Variants in EVA1C observed in about 807,000 individuals in gnomAD.
EVA1C encodes protein eva-1 homolog C.
Under a neutral mutation model 45.4 loss-of-function variants are expected in EVA1C, and 25 were observed. The ratio of observed to expected loss-of-function variants is 0.55; its 90% CI spans 0.40 to 0.77. The LOEUF is 0.77. EVA1C is among the 30% of genes least tolerant of loss of function. The probability of loss-of-function intolerance (pLI) is 0.00; values close to 1 mark genes in which losing one functional copy is unlikely to be tolerated. For missense variants in EVA1C, 479 were observed against 554.8 expected, an observed-to-expected ratio of 0.86 and a Z score of 1.37; for synonymous variants, 190 against 221.2, an observed-to-expected ratio of 0.86 and a Z score of 1.25.
intron 6 of EVA1C, among the ~76,000 whole-genome samples, chr21:32,502,006 TTC>T (rs1242824361): frequency 8.3e-6 from 1 of 120,426 alleles, no homozygotes; most frequent in East Asian, 2.4e-4. Context: ...CTTTCTTTCT[TTC>T]TTTCTTTCTT....
chr21:32,482,415 A>G (rs1355033072), intron 4 of EVA1C, among the ~76,000 whole-genome samples: 2 of 152,200 alleles, frequency 1.3e-5, no homozygotes, highest in Non-Finnish European at 2.9e-5. Context: ...CTGGGCAAAC[A>G]GTAGTGAGCT....
At chr21:32,438,612 C>T (rs1172727079) in intron 1 of EVA1C, among the ~76,000 whole-genome samples, 1 of 152,044 alleles carries the variant, frequency 6.6e-6, no homozygotes, top group Non-Finnish European at 1.5e-5. Context: ...TAGTAGCAGC[C>T]ATTCAACCTC....
chr21:32,472,126 G>A (rs2036396398), intron 4 of EVA1C, among the ~76,000 whole-genome samples: 1 of 152,002 alleles, frequency 6.6e-6, no homozygotes, highest in Non-Finnish European at 1.5e-5. Context: ...TCCTAGGAAT[G>A]GTAGATGAAA....
At chr21:32,441,241 T>C (rs2146205059) in intron 1 of EVA1C, among the ~76,000 whole-genome samples, 1 of 152,298 alleles carries the variant, frequency 6.6e-6, no homozygotes, top group African/African-American at 2.4e-5. Context: ...AACAGGTTTC[T>C]ACGTAGCAAG....
Position 32,458,906 on chromosome 21 carries a change from G to A in EVA1C, c.481+1186G>A, listed in dbSNP as rs541774777. On this transcript the variant is annotated intron_variant, in intron 3 of 7. Coordinates refer to ENST00000300255, the MANE Select transcript of EVA1C (RefSeq NM_058187.5). ...CTGGTGGCCTAGGTGCCAGACTTAT[G>A]TGGGGAGAGGTCAGGCCACACTCGT... Among the ~76,000 whole-genome samples the A allele has an allele frequency of 2.6e-5, 4 of 152,140 alleles. No individual in the cohort carries two copies. In the East Asian group the frequency reaches 5.8e-4, roughly 22 times the overall value.
chr21:32,448,326 A>ATTG (rs1211056107), intron 1 of EVA1C, among the ~76,000 whole-genome samples: 1 of 152,112 alleles, frequency 6.6e-6, no homozygotes, highest in Admixed American at 6.5e-5. Flanking sequence ...GGCTTTCTTT[A>ATTG]TTGTTTAAAA....
chr21:32,470,630 C>T (rs1442461004), intron 4 of EVA1C, among the ~76,000 whole-genome samples: 1 of 152,226 alleles, frequency 6.6e-6, no homozygotes, highest in Non-Finnish European at 1.5e-5. Context: ...CCACTCCCTC[C>T]TCCTTTCTCC....
intron 1 of EVA1C, among the ~76,000 whole-genome samples, chr21:32,449,912 C>A (rs1255349329): frequency 6.6e-6 from 1 of 152,082 alleles, no homozygotes; most frequent in African/African-American, 2.4e-5. Context: ...TGTGAGCCAC[C>A]ACAACTGGCC....
chr21:32,451,603 T>C (rs1018079839), intron 1 of EVA1C, among the ~76,000 whole-genome samples: 6 of 152,116 alleles, frequency 3.9e-5, no homozygotes, highest in African/African-American at 1.4e-4. Context: ...ATTCATCCTC[T>C]CACAGTTCTG....
intron 1 of EVA1C, among the ~76,000 whole-genome samples, chr21:32,415,656 C>T (rs2034007865): frequency 6.6e-6 from 1 of 151,816 alleles, no homozygotes; most frequent in Admixed American, 6.6e-5. Flanking sequence ...ATGGCCCCCT[C>T]CTCCTCCCTG....
intron 1 of EVA1C, among the ~76,000 whole-genome samples, chr21:32,424,045 A>G (rs2034394864): frequency 6.6e-6 from 1 of 152,230 alleles, no homozygotes; most frequent in Admixed American, 6.5e-5. Context: ...GATGATTACA[A>G]ATGAGTCCCT....
intron 1 of EVA1C, among the ~76,000 whole-genome samples, chr21:32,421,528 A>T (rs1290891770): frequency 6.6e-6 from 1 of 152,218 alleles, no homozygotes; most frequent in Non-Finnish European, 1.5e-5. Context: ...TTTTGAATTC[A>T]TATTACCTTT....
chr21:32,431,816 T>C (rs1331597085), intron 1 of EVA1C, among the ~76,000 whole-genome samples: 1 of 152,236 alleles, frequency 6.6e-6, no homozygotes, highest in Non-Finnish European at 1.5e-5. Context: ...TTCCTGTGTA[T>C]TCCTTAATAA....
intron 6 of EVA1C, among the ~76,000 whole-genome samples, chr21:32,503,344 G>A (rs1282096868): frequency 6.6e-6 from 1 of 152,146 alleles, no homozygotes; most frequent in Non-Finnish European, 1.5e-5. Flanking sequence ...TAAGGAGTTC[G>A]AGACCAACCT....
chr21:32,457,742 C>T, intron 3 of EVA1C, 22 bp downstream of exon 3: 1 of 1,613,854 alleles, frequency 6.2e-7, no homozygotes, highest in Non-Finnish European at 8.5e-7. Flanking sequence ...CGGAGGGGGA[C>T]AGTGTGTTTG....
In EVA1C at chr21:32,443,782, CT is replaced by C. The variant is rs545672156; in HGVS notation, c.161-9528del. Among the ~76,000 whole-genome samples the C allele has an allele frequency of 1.1e-3, 160 of 152,222 alleles. 1 individual carries two copies. In the South Asian group the frequency reaches 0.012, roughly 11 times the overall value. On this transcript the variant is annotated intron_variant, in intron 1 of 7. Coordinates refer to ENST00000300255, the MANE Select transcript of EVA1C (RefSeq NM_058187.5). Reference sequence around the variant, plus strand: ...AATAACCAAAGGATTGAATATTTCACTTCTTTATTATTAGTTTGCATTTCCT... The same window carrying C: ...AATAACCAAAGGATTGAATATTTCACTCTTTATTATTAGTTTGCATTTCCT...
Position 32,457,624 on chromosome 21 carries a change from CGGGCCT to C in EVA1C, c.387_392del (p.Ala130_Cys131del). The C allele has an allele frequency of 6.2e-7, 1 of 1,614,174 alleles. No homozygotes were observed. The highest frequency in any genetic ancestry group is 1.1e-5 in the South Asian group (1 of 91,086). On this transcript the variant is annotated inframe_deletion, in exon 3 of 8. Transcript: ENST00000300255. ...GGTGCTGGACGAATGCCAGAACCAG[CGGGCCT>C]GCCACCTCCTGGTCAATAGCCGTGT...
At chr21:32,502,868 G>A (rs1360150453) in intron 6 of EVA1C, among the ~76,000 whole-genome samples, 1 of 152,004 alleles carries the variant, frequency 6.6e-6, no homozygotes, top group Non-Finnish European at 1.5e-5. Context: ...GGGCTCAAGC[G>A]ATCCACCCAC....
intron 7 of EVA1C, among the ~76,000 whole-genome samples, chr21:32,514,601 C>A (rs370174348): frequency 1.3e-5 from 2 of 152,300 alleles, no homozygotes; most frequent in African/African-American, 4.8e-5. Context: ...TTCTCCTACA[C>A]ATACATATAT....
Sources: allele counts gnomAD v4.1 joint callset (sites outside exome capture counted in the v4.1 genomes callset), GRCh38; gene constraint gnomAD v4.1.1; transcripts MANE v1.5; gene names NCBI Gene and HGNC (gene_info 2026-07-23, HGNC 2026-07-21).